Variants in UCP1 observed in about 807,000 individuals in gnomAD.
UCP1 encodes mitochondrial brown fat uncoupling protein 1.
In UCP1, 24 loss-of-function variants were observed where a neutral mutation model predicts 26.2. The ratio of observed to expected loss-of-function variants is 0.92; its 90% CI spans 0.66 to 1.29. UCP1 has a LOEUF of 1.29. Among genes scored for constraint, UCP1 ranks in the 50% most tolerant of loss-of-function variants. The probability of loss-of-function intolerance (pLI) is 0.00; values close to 1 mark genes in which losing one functional copy is unlikely to be tolerated. For missense variants in UCP1, 402 were observed against 388.7 expected (o/e 1.03, Z -0.29); for synonymous variants, 164 against 156.8 (o/e 1.05, Z -0.34).
At chr4:140,563,851 G>A (rs879574516) in intron 2 of UCP1, among the ~76,000 whole-genome samples, 21 of 151,974 alleles carry the variant, frequency 1.4e-4, no homozygotes, top group African/African-American at 2.2e-4. Flanking sequence ...CAGGTGATCC[G>A]TCTGCCTCGG....
Position 140,559,677 on chromosome 4 carries a change from G to A in UCP1, c.*219C>T. ...CTGCATTACATTTGCCAGGGTATAT[G>A]CTGAATGTTTTGCTTTCCCCTTCTT... On this transcript the variant is annotated 3_prime_UTR_variant, in exon 6 of 6. Coordinates refer to ENST00000262999, the MANE Select transcript of UCP1 (RefSeq NM_021833.5). 1.8e-6 allele frequency: 1 copy of A among 566,946 alleles called. No individual in the cohort carries two copies. The highest frequency in any genetic ancestry group is 3.1e-6 in the Non-Finnish European group (1 of 320,614). The allele number at this position is 566,946 out of a possible 1,614,324, so 35.1% of individuals were successfully genotyped here. A position where few individuals can be genotyped will look rare whatever the true frequency, so the allele number is the denominator to read the frequency against.
At position 140,567,712 on chromosome 4, in the gene UCP1, T is replaced by C. The variant is rs1735827408; in HGVS notation, c.325+67A>G. On this transcript the variant is annotated intron_variant, in intron 2 of 5. Transcript: ENST00000262999. ...GTTATGAAAACCACTCCTCTGTGTG[T>C]TACACTTTTTGGAACAGAGCGGAGC... The C allele has an allele frequency of 2.5e-6, 4 of 1,593,082 alleles. No individual in the cohort carries two copies. In the Admixed American group the frequency reaches 5.0e-5, roughly 20 times the overall value.
chr4:140,567,744 C>T (rs766868218), intron 2 of UCP1, 35 bp downstream of exon 2: 1 of 1,612,664 alleles, frequency 6.2e-7, no homozygotes, highest in South Asian at 1.1e-5. Context: ...GAGCCCAAGG[C>T]TTTTCTGCCC....
At position 140,568,830 on chromosome 4, in the gene UCP1, A is replaced by C; in HGVS notation, c.-101T>G. 6.6e-7 allele frequency: 1 copy of C among 1,518,398 alleles called. No individual in the cohort carries two copies. The highest frequency in any genetic ancestry group is 8.8e-7 in the Non-Finnish European group (1 of 1,132,590). 94.1% of individuals were successfully genotyped at this position (1,518,398 alleles called of 1,614,324 possible). ...TTCACGCCTGTCCGCCGGGCAGCAA[A>C]CCCGATTTCTGTTTTTTGAACCGAC... On this transcript the variant is annotated 5_prime_UTR_variant, in exon 1 of 6. Coordinates refer to ENST00000262999, the MANE Select transcript of UCP1 (RefSeq NM_021833.5).
At chr4:140,565,595 G>T (rs149419054) in intron 2 of UCP1, among the ~76,000 whole-genome samples, 2 of 152,188 alleles carry the variant, frequency 1.3e-5, no homozygotes, top group African/African-American at 4.8e-5. Flanking sequence ...GCTCCCTCCT[G>T]TCTCTGTGGC....
At chr4:140,563,008 A>G (rs955839962) in intron 4 of UCP1, 102 bp downstream of exon 4, 4 of 957,554 alleles carry the variant, frequency 4.2e-6, no homozygotes, top group Non-Finnish European at 4.9e-6. Flanking sequence ...TTAAAAAGAG[A>G]AAACTATTGG....
At chr4:140,568,216 C>T (rs1735848149) in intron 1 of UCP1, among the ~76,000 whole-genome samples, 2 of 151,580 alleles carry the variant, frequency 1.3e-5, no homozygotes, top group Admixed American at 6.6e-5. Context: ...ATCCCCCTCC[C>T]CAGGAACTCT....
Position 140,568,645 on chromosome 4 carries a change from C to T in UCP1, c.85G>A (p.Val29Met), listed in dbSNP as rs758833108. The T allele has an allele frequency of 3.1e-6, 5 of 1,612,750 alleles. No individual in the cohort carries two copies. The highest frequency in any genetic ancestry group is 1.1e-5 in the South Asian group (1 of 90,498). Residue 29 changes from valine to methionine, a missense_variant, in exon 1 of 6, where the codon GTG becomes ATG. Physicochemically the swap from Val to Met is conservative, Grantham distance 21. Coordinates refer to ENST00000262999, the MANE Select transcript of UCP1 (RefSeq NM_021833.5). The stretch of plus-strand genomic sequence containing the variant: ...GCCGTGTCCAGCGGGAAGGTGATCA[C>T]GTCCGCCAAGCACGCCGCTATTCCA... ...SAGIAACLAD[V>M]ITFPLDTAKV...
At chr4:140,567,518 A>G (rs1428391215) in intron 2 of UCP1, among the ~76,000 whole-genome samples, 1 of 152,176 alleles carries the variant, frequency 6.6e-6, no homozygotes. Flanking sequence ...TAGCCCACCC[A>G]TATTCTCCAG....
intron 2 of UCP1, among the ~76,000 whole-genome samples, chr4:140,564,857 T>C (rs1735763202): frequency 1.3e-5 from 2 of 152,156 alleles, no homozygotes; most frequent in South Asian, 4.1e-4. Context: ...AAGAGGCTTT[T>C]TTTTTAAGAA....
chr4:140,567,158 A>G (rs1249333987), intron 2 of UCP1, among the ~76,000 whole-genome samples: 1 of 152,236 alleles, frequency 6.6e-6, no homozygotes, highest in African/African-American at 2.4e-5. Context: ...CACTCAGGAA[A>G]TATGTTTCCT....
Position 140,562,269 on chromosome 4 carries a change from G to A in UCP1, c.733C>T (p.Pro245Ser). Residue 245 changes from proline to serine, a missense_variant, in exon 5 of 6, where the codon CCA (proline) becomes TCA (serine). Coordinates refer to ENST00000262999, the MANE Select transcript of UCP1 (RefSeq NM_021833.5). The stretch of plus-strand genomic sequence containing the variant: ...TTGGGCACACTTTTGTACTGTCCTG[G>A]TGGAGAATTAATAAATCTGGTTTTT... ...VVKTRFINSP[P>S]GQYKSVPNCA... is the part of the protein sequence containing the mutation. The A allele has an allele frequency of 6.2e-7, 1 of 1,614,140 alleles. No homozygotes were observed. The highest frequency in any genetic ancestry group is 8.5e-7 in the Non-Finnish European group (1 of 1,180,014).
intron 2 of UCP1, among the ~76,000 whole-genome samples, chr4:140,563,979 C>T (rs900070322): frequency 4.6e-5 from 7 of 152,080 alleles, no homozygotes; most frequent in East Asian, 1.9e-4. Context: ...ACTAAATGTG[C>T]GTCAACTCAG....
chr4:140,567,204 C>T (rs1000081543), intron 2 of UCP1, among the ~76,000 whole-genome samples: 2 of 152,218 alleles, frequency 1.3e-5, no homozygotes, highest in Non-Finnish European at 2.9e-5. Context: ...CTGCAGCATT[C>T]GTCCACTTTT....
rs1735731532 is a variant in UCP1 at position 140,563,446 on chromosome 4, G to C, written c.398C>G (p.Pro133Arg). ...AAGTCTGACTTTCACGACCTCTGTG[G>C]GTTGCCCAATGAATACTGCCACTCC... The part of the protein sequence containing the change: ...TGGVAVFIGQ[P>R]TEVVKVRLQA... Residue 133 changes from proline (P) to arginine (R), a missense_variant, in exon 3 of 6, where the codon CCC becomes CGC. Coordinates refer to ENST00000262999, the MANE Select transcript of UCP1 (RefSeq NM_021833.5). The C allele has an allele frequency of 1.2e-6, 2 of 1,613,986 alleles. No individual in the cohort carries two copies. The highest frequency in any genetic ancestry group is 1.7e-5 in the Admixed American group (1 of 59,980).
intron 5 of UCP1, among the ~76,000 whole-genome samples, chr4:140,560,662 A>G (rs1735656393): frequency 6.6e-6 from 1 of 152,126 alleles, no homozygotes; most frequent in Admixed American, 6.5e-5. Context: ...TGTTTAACCT[A>G]TAAAAAACAC....
chr4:140,562,406 G>A (rs769165070), intron 4 of UCP1, 33 bp from the exon 5 acceptor site: 2 of 1,611,202 alleles, frequency 1.2e-6, no homozygotes, highest in Non-Finnish European at 1.7e-6. Flanking sequence ...GTCAACATCA[G>A]ACTTTTGGGG....
intron 5 of UCP1, among the ~76,000 whole-genome samples, chr4:140,561,527 A>T (rs2043123): frequency 0.2 from 30,864 of 151,790 alleles, 3,238 homozygotes; most frequent in Admixed American, 0.27. Context: ...TAATTTTTAA[A>T]TTTTTTGTTG....
rs962583743 is a variant in UCP1, at chr4:140,559,782, C to T, written c.*114G>A. 1 of 1,016,516 alleles carries T rather than the reference C, an allele frequency of 9.8e-7. No individual in the cohort carries two copies. Among genetic ancestry groups the T allele is most frequent in the African/African-American group, 1.6e-5 (1 of 60,746 alleles). 63.0% of individuals were successfully genotyped at this position (1,016,516 alleles called of 1,614,324 possible). A position where few individuals can be genotyped will look rare whatever the true frequency, so the allele number is the denominator to read the frequency against. On this transcript the variant is annotated 3_prime_UTR_variant, in exon 6 of 6. Coordinates refer to ENST00000262999, the MANE Select transcript of UCP1 (RefSeq NM_021833.5). The stretch of plus-strand genomic sequence containing the variant: ...TTTATATAAAAAAGTCCAAAATTCT[C>T]TGCCAAAATTCCTTTATCTTTTTAG...
Sources: gnomAD v4.1 joint callset for allele counts (sites outside exome capture counted in the v4.1 genomes callset) on GRCh38, gnomAD v4.1.1 for gene constraint, MANE v1.5 for transcripts, NCBI Gene and HGNC (gene_info 2026-07-23, HGNC 2026-07-21) for gene names.